Variants in IRX6 observed in about 807,000 individuals in gnomAD.
The protein encoded by IRX6 is iroquois-class homeodomain protein IRX-6.
In IRX6, 46 loss-of-function variants were observed where a neutral mutation model predicts 47.7. The ratio of observed to expected loss-of-function variants is 0.96; its 90% confidence interval spans 0.76 to 1.23. The LOEUF (loss-of-function observed/expected upper bound fraction) is 1.23, where lower values mean the gene tolerates loss of function less well. IRX6 is among the 50% of genes most tolerant of loss of function. IRX6 has a pLI of 0.00. For missense variants in IRX6, 722 were observed against 588.0 expected (o/e 1.23, Z -2.36); for synonymous variants, 265 against 246.2 (o/e 1.08, Z -0.72).
At position 55,330,714 on chromosome 16, in the gene IRX6, C is replaced by T. The variant is rs925358482; in HGVS notation, c.*409C>T. ...TAAGGACCCTGTGCGTCTTCTCCCCCTCCTAAGCCCTTGTGTCCTTAAAAA... is the reference window on the plus strand; with the variant it reads ...TAAGGACCCTGTGCGTCTTCTCCCCTTCCTAAGCCCTTGTGTCCTTAAAAA... On this transcript the variant is annotated 3_prime_UTR_variant, in exon 6 of 6. Transcript: ENST00000290552. 2.9e-5 allele frequency: 8 copies of T among 275,912 alleles called. No individual in the cohort carries two copies. Among genetic ancestry groups the T allele is most frequent in the African/African-American group, 1.5e-4 (7 of 46,326 alleles). 17.1% of individuals were successfully genotyped at this position (275,912 alleles called of 1,614,324 possible).
At chr16:55,330,221 G>A in intron 5 of IRX6, 77 bp from the exon 6 acceptor site, 1 of 1,354,622 alleles carries the variant, frequency 7.4e-7, no homozygotes, top group Non-Finnish European at 1.1e-6. Context: ...CTTCAGAAGA[G>A]ACATGGCTGA....
In IRX6 at chr16:55,326,288, T is replaced by TGG. The variant is rs767987070; in HGVS notation, c.46-39_46-38dup. 1,100 of 950,146 alleles carry TGG rather than the reference T, an allele frequency of 1.2e-3. No homozygotes were observed. The Middle Eastern group carries it at 0.021, about 18-fold the overall frequency. 58.9% of individuals were successfully genotyped at this position (950,146 alleles called of 1,614,324 possible). On this transcript the variant is annotated intron_variant, in intron 1 of 5. Coordinates refer to ENST00000290552, the MANE Select transcript of IRX6 (RefSeq NM_024335.3). Reference sequence around the variant, plus strand: ...CCTTCAGCGGGAGCGGGGGCGGGGGTGGGGGGGGGGTCTCTGACCTCCAGT... The same window carrying TGG: ...CCTTCAGCGGGAGCGGGGGCGGGGGTGGGGGGGGGGGGTCTCTGACCTCCAGT...
rs1960556839 is a variant in IRX6, at chr16:55,327,628, CG to C, written c.457del (p.Ala153ArgfsTer36). On this transcript the variant is annotated frameshift_variant, in exon 4 of 6. Coordinates refer to ENST00000290552, the MANE Select transcript of IRX6 (RefSeq NM_024335.3). LOFTEE classifies it high-confidence loss of function. ...ELSGAGRRKN[A>X]TRETTSTLKA... Reference sequence around the variant, plus strand: ...TGAGTGGCGCCGGTCGCCGAAAGAACGCGACCCGGGAGACCACCAGTACACT... The same window carrying C: ...TGAGTGGCGCCGGTCGCCGAAAGAACCGACCCGGGAGACCACCAGTACACT... 2 of 1,610,082 alleles carry C rather than the reference CG, an allele frequency of 1.2e-6. No individual in the cohort carries two copies. The highest frequency in any genetic ancestry group is 1.7e-6 in the Non-Finnish European group (2 of 1,178,916).
At chr16:55,329,835 A>T (rs1287377721) in intron 5 of IRX6, among the ~76,000 whole-genome samples, 1 of 152,150 alleles carries the variant, frequency 6.6e-6, no homozygotes, top group Non-Finnish European at 1.5e-5. Context: ...TCTGTGTCCC[A>T]CCAAAACCCC....
chr16:55,329,896 G>A (rs767241576), intron 5 of IRX6, among the ~76,000 whole-genome samples: 3 of 152,162 alleles, frequency 2.0e-5, no homozygotes, highest in Admixed American at 6.5e-5. Flanking sequence ...GCCCCAGATT[G>A]GTACTGTCCT....
At chr16:55,328,609 C>G in intron 4 of IRX6, 91 bp from the exon 5 acceptor site, 1 of 1,316,358 alleles carries the variant, frequency 7.6e-7, no homozygotes, top group Non-Finnish European at 1.1e-6. Flanking sequence ...GAGTGCAGGG[C>G]GCTTCTTGCT....
intron 4 of IRX6, 80 bp downstream of exon 4, chr16:55,327,973 G>T (rs1960567256): frequency 6.9e-7 from 1 of 1,439,936 alleles, no homozygotes. Context: ...CTGCCCTGTA[G>T]GGTAGATTTT....
At position 55,327,733 on chromosome 16, in the gene IRX6, G is replaced by A; in HGVS notation, c.561G>A (p.Lys187=). Reference sequence around the variant, plus strand: ...AGATCATGCTGGCCATCATCACCAAGATGACCCTCACCCAGGTGTCCACCT... The same window carrying A: ...AGATCATGCTGGCCATCATCACCAAAATGACCCTCACCCAGGTGTCCACCT... ...GEKIMLAIIT[K]MTLTQVSTWF... is the part of the protein sequence containing the mutation. Residue 187 remains lysine, a synonymous_variant, in exon 4 of 6, where the codon AAG becomes AAA. Transcript: ENST00000290552. 1.2e-6 allele frequency: 2 copies of A among 1,612,412 alleles called. No homozygotes were observed. The highest frequency in any genetic ancestry group is 1.7e-6 in the Non-Finnish European group (2 of 1,179,986).
At chr16:55,325,521 AGG>A (rs1960497361) in intron 1 of IRX6, among the ~76,000 whole-genome samples, 1 of 32,508 alleles carries the variant, frequency 3.1e-5, no homozygotes, top group Non-Finnish European at 5.5e-5. Context: ...GAAGGAAGGA[AGG>A]AAGGAAGGAG....
intron 2 of IRX6, chr16:55,326,977 A>G (rs1960542355): frequency 2.2e-5 from 3 of 134,472 alleles, no homozygotes; most frequent in Non-Finnish European, 2.7e-5. Flanking sequence ...GGGGGGCAGT[A>G]AGGGGGGAAA....
Position 55,326,402 on chromosome 16 carries a change from G to C in IRX6, c.112G>C (p.Ala38Pro). The C allele has an allele frequency of 6.2e-7, 1 of 1,614,054 alleles. No homozygotes were observed. The highest frequency in any genetic ancestry group is 8.5e-7 in the Non-Finnish European group (1 of 1,180,036). ...TACCCAACGCTCTGTCTCAGATGTG[G>C]CATCAGGCTCCACCCCAGCGCCCGC... ...ESTQRSVSDV[A>P]SGSTPAPALC... The change falls in exon 2 of 6, where the codon GCA becomes CCA. Residue 38 changes from alanine (A) to proline (P), a missense_variant. Ala to Pro is a conservative substitution (Grantham distance 27). Transcript: ENST00000290552.
rs1231464273 is a variant in IRX6 at position 55,324,286 on chromosome 16, T to A, written c.-806T>A. 7.0e-6 allele frequency: 1 copy of A among 143,314 alleles called. No individual in the cohort carries two copies. The highest frequency in any genetic ancestry group is 1.5e-5 in the Non-Finnish European group (1 of 65,508). The allele number at this position is 143,314 out of a possible 1,614,324, so 8.9% of individuals were successfully genotyped here. The stretch of plus-strand genomic sequence containing the variant: ...GCGCCTCTGTTCACTCAGACTCCTG[T>A]CTCCCCTCTCCCCTCCTCCTTCTCC... On this transcript the variant is annotated 5_prime_UTR_variant, in exon 1 of 6. Coordinates refer to ENST00000290552, the MANE Select transcript of IRX6 (RefSeq NM_024335.3). The surrounding 1 kb of genome is among the most constrained non-coding windows in gnomAD (Gnocchi z 4.4).
intron 1 of IRX6, among the ~76,000 whole-genome samples, chr16:55,325,515 G>C (rs1256587495): frequency 2.4e-4 from 6 of 24,892 alleles, no homozygotes; most frequent in African/African-American, 1.8e-3. Context: ...AGGAAGGAAG[G>C]AAGGAAGGAA....
At chr16:55,325,924 T>A (rs1960513196) in intron 1 of IRX6, 1 of 181,638 alleles carries the variant, frequency 5.5e-6, no homozygotes, top group South Asian at 1.2e-4. Context: ...CCACTCCCAA[T>A]CTATAGAATG....
chr16:55,324,708 C>T lies in IRX6; in HGVS notation c.-384C>T, dbSNP rs1393307857. On this transcript the variant is annotated 5_prime_UTR_variant, in exon 1 of 6. Coordinates refer to ENST00000290552, the MANE Select transcript of IRX6 (RefSeq NM_024335.3). The surrounding 1 kb of genome is among the most constrained non-coding windows in gnomAD (Gnocchi z 4.4). Reference sequence around the variant, plus strand: ...CGGGGCCCGGGGTCCCGTCTGGCGGCCCGGGATTACCGTGACGTCACATTG... The same window carrying T: ...CGGGGCCCGGGGTCCCGTCTGGCGGTCCGGGATTACCGTGACGTCACATTG... 2 of 222,612 alleles carry T rather than the reference C, an allele frequency of 9.0e-6. No homozygotes were observed. Among genetic ancestry groups the T allele is most frequent in the Admixed American group, 5.6e-5 (1 of 17,902 alleles). The allele number at this position is 222,612 out of a possible 1,614,324, so 13.8% of individuals were successfully genotyped here. A position where few individuals can be genotyped will look rare whatever the true frequency, so the allele number is the denominator to read the frequency against.
intron 1 of IRX6, among the ~76,000 whole-genome samples, chr16:55,325,486 G>GAAA (rs1960494284): frequency 2.4e-5 from 1 of 42,540 alleles, no homozygotes. Context: ...AAATAAGGAA[G>GAAA]GAAGGAAGGA....
At chr16:55,329,924 A>C (rs1162874339) in intron 5 of IRX6, among the ~76,000 whole-genome samples, 1 of 152,158 alleles carries the variant, frequency 6.6e-6, no homozygotes, top group African/African-American at 2.4e-5. Flanking sequence ...CACTCTACCC[A>C]GGGCTCATCC....
At position 55,330,408 on chromosome 16, in the gene IRX6, C is replaced by T. The variant is rs1045145734; in HGVS notation, c.*103C>T. On this transcript the variant is annotated 3_prime_UTR_variant, in exon 6 of 6. Transcript: ENST00000290552. ...CAGACCTTGCCAGGGACCAGGAGCTCTCACTTTGCCTAAGAGACAGACACA... is the reference window on the plus strand; with the variant it reads ...CAGACCTTGCCAGGGACCAGGAGCTTTCACTTTGCCTAAGAGACAGACACA... 1.3e-5 allele frequency: 15 copies of T among 1,133,120 alleles called. No homozygotes were observed. The highest frequency in any genetic ancestry group is 1.9e-5 in the Non-Finnish European group (14 of 742,692). 70.2% of individuals were successfully genotyped at this position (1,133,120 alleles called of 1,614,324 possible). A position where few individuals can be genotyped will look rare whatever the true frequency, so the allele number is the denominator to read the frequency against.
In IRX6 at chr16:55,328,981, G is replaced by C. The variant is rs1567340315; in HGVS notation, c.1003G>C (p.Gly335Arg). ...EEADFLSAET[G>R]SPRLTMHYPC... ...AGCTGACTTCCTCTCGGCGGAGACA[G>C]GCAGCCCTAGGTTGACCATGCACTA... is the stretch of plus-strand genomic sequence containing the variant. Residue 335 changes from glycine to arginine, a missense_variant, in exon 5 of 6, where the codon GGC becomes CGC. By Grantham distance (125) the Gly-to-Arg change is moderately radical. Coordinates refer to ENST00000290552, the MANE Select transcript of IRX6 (RefSeq NM_024335.3). 2 of 1,613,604 alleles carry C rather than the reference G, an allele frequency of 1.2e-6. No individual in the cohort carries two copies. The highest frequency in any genetic ancestry group is 2.7e-5 in the African/African-American group (2 of 74,938).
Sources: gnomAD v4.1 joint callset for allele counts (sites outside exome capture counted in the v4.1 genomes callset) on GRCh38, gnomAD v4.1.1 for gene constraint, Gnocchi (gnomAD v3.1) non-coding constraint, MANE v1.5 for transcripts, NCBI Gene and HGNC (gene_info 2026-07-23, HGNC 2026-07-21) for gene names.